RREB1: variants seen among roughly 807,000 people sequenced by gnomAD.
The protein encoded by RREB1 is ras responsive element binding protein 1.
Under a neutral mutation model 117.8 loss-of-function variants are expected in RREB1, and 27 were observed. The ratio of observed to expected loss-of-function variants is 0.23; its 90% confidence interval spans 0.17 to 0.32. The LOEUF is 0.32. RREB1 is among the 10% of genes least tolerant of loss of function. RREB1 has a pLI of 1.00. For missense variants in RREB1, 2,577 were observed against 2,378.2 expected (o/e 1.08, Z -1.74); for synonymous variants, 1,298 against 1,026.7 (o/e 1.26, Z -5.05).
At chr6:7,134,321 C>T (rs755339667) in intron 1 of RREB1, among the ~76,000 whole-genome samples, 12 of 152,192 alleles carry the variant, frequency 7.9e-5, no homozygotes, top group Non-Finnish European at 1.6e-4. Context: ...AGTCCTTTCG[C>T]TAGAGGGTTG....
At position 7,248,727 on chromosome 6, in the gene RREB1, C is replaced by T. The variant is rs1769263039; in HGVS notation, c.4988C>T (p.Ala1663Val). Residue 1663 changes from alanine (A) to valine (V), a missense_variant, in exon 13 of 13, where the codon GCC (alanine) becomes GTC (valine). Coordinates refer to ENST00000379938, the MANE Select transcript of RREB1 (RefSeq NM_001003699.4). ...AACGAGGCTGAGCTGGCTCCCAATG[C>T]CAGCAACCACATGGCTGTCACCCGG... ...SENEAELAPNASNHMAVTRSR... is the reference protein window; with the variant it reads ...SENEAELAPNVSNHMAVTRSR... 2 of 1,614,082 alleles carry T rather than the reference C, an allele frequency of 1.2e-6. No homozygotes were observed. The highest frequency in any genetic ancestry group is 1.3e-5 in the African/African-American group (1 of 74,952).
intron 1 of RREB1, among the ~76,000 whole-genome samples, chr6:7,123,569 A>G (rs978047449): frequency 3.3e-5 from 5 of 150,900 alleles, no homozygotes; most frequent in Admixed American, 6.6e-5. Flanking sequence ...TTCTCAGAGA[A>G]GTTCAGAGTG....
At chr6:7,224,516 A>G (rs982867058) in intron 8 of RREB1, among the ~76,000 whole-genome samples, 2 of 151,420 alleles carry the variant, frequency 1.3e-5, no homozygotes, top group Non-Finnish European at 2.9e-5. Context: ...AGCATGGGGG[A>G]AATGAAGTGG....
chr6:7,170,670 C>T (rs952548576), intron 1 of RREB1, among the ~76,000 whole-genome samples: 2 of 152,224 alleles, frequency 1.3e-5, no homozygotes, highest in Non-Finnish European at 2.9e-5. Context: ...GGAAGCCCTG[C>T]ATAGATCCAT....
intron 1 of RREB1, chr6:7,139,312 T>C (rs970688081): frequency 6.6e-6 from 1 of 152,256 alleles, no homozygotes; most frequent in Non-Finnish European, 1.5e-5. Flanking sequence ...AGTTGAAATT[T>C]TATTTTAACT....
At chr6:7,112,452 C>T (rs1386434095) in intron 1 of RREB1, among the ~76,000 whole-genome samples, 1 of 152,024 alleles carries the variant, frequency 6.6e-6, no homozygotes. Flanking sequence ...AATGTATTTT[C>T]TTTCTGTTTC....
chr6:7,206,990 C>T (rs1766311324), intron 6 of RREB1, among the ~76,000 whole-genome samples: 1 of 152,108 alleles, frequency 6.6e-6, no homozygotes, highest in Non-Finnish European at 1.5e-5. Context: ...ATGGGACTGT[C>T]AGAGGAATTT....
intron 1 of RREB1, among the ~76,000 whole-genome samples, chr6:7,171,962 T>G (rs80000511): frequency 4.6e-5 from 7 of 151,472 alleles, no homozygotes; most frequent in Admixed American, 2.6e-4. Context: ...TTTTTTTTTT[T>G]GGAGATAAAG....
intron 1 of RREB1, among the ~76,000 whole-genome samples, chr6:7,144,364 A>G (rs1460406896): frequency 6.6e-6 from 1 of 152,226 alleles, no homozygotes; most frequent in Non-Finnish European, 1.5e-5. Flanking sequence ...TTATAATGTG[A>G]AACTTAATTT....
chr6:7,220,361 A>G (rs1418268411), intron 8 of RREB1, among the ~76,000 whole-genome samples: 5 of 152,118 alleles, frequency 3.3e-5, no homozygotes, highest in Non-Finnish European at 7.4e-5. Context: ...CTGAATGTCC[A>G]TTTTGGATTC....
intron 6 of RREB1, 69 bp downstream of exon 6, chr6:7,189,391 T>C: frequency 2.1e-6 from 3 of 1,421,556 alleles, no homozygotes; most frequent in Non-Finnish European, 2.8e-6. Context: ...GACAGTGGCC[T>C]CTGAGCCTTC....
intron 2 of RREB1, among the ~76,000 whole-genome samples, chr6:7,177,242 A>C (rs377008590): frequency 4.9e-4 from 73 of 147,946 alleles, no homozygotes; most frequent in African/African-American, 1.8e-3. Flanking sequence ...AAAAAAAAAA[A>C]GGAGGAAAGA....
chr6:7,146,667 C>T (rs926927496), intron 1 of RREB1, among the ~76,000 whole-genome samples: 1 of 152,088 alleles, frequency 6.6e-6, no homozygotes, highest in Non-Finnish European at 1.5e-5. Flanking sequence ...CTCACTATAA[C>T]ACACATTGCA....
chr6:7,121,603 C>T (rs1761682504), intron 1 of RREB1, among the ~76,000 whole-genome samples: 2 of 152,068 alleles, frequency 1.3e-5, no homozygotes, highest in African/African-American at 2.4e-5. Context: ...ACTAGATCTC[C>T]TTTGGGTGCC....
rs139780689 is a variant in RREB1, at chr6:7,231,425, C to T, written c.3326C>T (p.Pro1109Leu). Reference protein sequence around the residue: ...TASDSLGGSVPKAATTATPAA... With the variant: ...TASDSLGGSVLKAATTATPAA... ...TCAGACAGCTTAGGAGGTTCTGTCCCCAAAGCCGCCACCACCGCCACCCCC... is the reference window on the plus strand; with the variant it reads ...TCAGACAGCTTAGGAGGTTCTGTCCTCAAAGCCGCCACCACCGCCACCCCC... The change falls in exon 10 of 13, where the codon CCC (proline) becomes CTC (leucine). Residue 1109 changes from proline to leucine, a missense_variant. Physicochemically the swap from Pro to Leu is moderately conservative, Grantham distance 98. Transcript: ENST00000379938. 55 of 1,613,272 alleles carry T rather than the reference C, an allele frequency of 3.4e-5. No individual in the cohort carries two copies. Among genetic ancestry groups the T allele is most frequent in the South Asian group, 4.4e-5 (4 of 91,074 alleles).
chr6:7,196,710 C>G (rs1230271851), intron 6 of RREB1, among the ~76,000 whole-genome samples: 1 of 152,028 alleles, frequency 6.6e-6, no homozygotes, highest in East Asian at 1.9e-4. Flanking sequence ...TAATTTATTA[C>G]TTATATTATT....
intron 1 of RREB1, among the ~76,000 whole-genome samples, chr6:7,146,483 C>A (rs2113408448): frequency 6.6e-6 from 1 of 152,190 alleles, no homozygotes; most frequent in Non-Finnish European, 1.5e-5. Context: ...GCCAGCAAGT[C>A]AGGAGACATT....
At chr6:7,123,453 C>T (rs1254499965) in intron 1 of RREB1, among the ~76,000 whole-genome samples, 10 of 152,138 alleles carry the variant, frequency 6.6e-5, no homozygotes, top group Non-Finnish European at 1.3e-4. Context: ...TGAGCCACCA[C>T]GCCTGGCCGA....
chr6:7,146,641 T>C (rs1762876156), intron 1 of RREB1, among the ~76,000 whole-genome samples: 1 of 152,190 alleles, frequency 6.6e-6, no homozygotes, highest in Non-Finnish European at 1.5e-5. Flanking sequence ...ACATACCATA[T>C]ATAGTCATGT....
Sources: gnomAD v4.1 joint callset for allele counts (sites outside exome capture counted in the v4.1 genomes callset) on GRCh38, gnomAD v4.1.1 for gene constraint, MANE v1.5 for transcripts, NCBI Gene and HGNC (gene_info 2026-07-23, HGNC 2026-07-21) for gene names.